The following FLRT2 variants were observed in gnomAD, a reference collection of about 807,000 sequenced individuals.
The protein encoded by FLRT2 is fibronectin leucine rich transmembrane protein 2.
FLRT2 carries 15 observed loss-of-function variants against 40.0 expected under a neutral mutation model. The observed-to-expected ratio is 0.38, with a 90% CI of 0.25 to 0.58. The LOEUF (loss-of-function observed/expected upper bound fraction) is 0.58. Among genes scored for constraint, FLRT2 ranks in the 20% least tolerant of loss-of-function variants. The pLI, the probability that FLRT2 is intolerant of heterozygous loss-of-function variation, is 0.71. For synonymous variants in FLRT2, 380 were observed against 336.8 expected (o/e 1.13, Z -1.41); for missense variants, 726 against 840.0 (o/e 0.86, Z 1.68).
chr14:85,642,085 T>A lies in FLRT2; in HGVS notation c.*18588T>A, dbSNP rs961051343. ...CAGAGGTCCAAGGAGCATCTATGAT[T>A]ATCTCCGACACTATTTTATTTCTTA... On this transcript the variant is annotated 3_prime_UTR_variant, in exon 2 of 2. Transcript: ENST00000330753. 5 of 148,726 alleles carry A rather than the reference T, an allele frequency of 3.4e-5. No homozygotes were observed. Among genetic ancestry groups the A allele is most frequent in the South Asian group, 2.1e-4 (1 of 4,754 alleles). The allele number at this position is 148,726 out of a possible 1,614,324, so 9.2% of individuals were successfully genotyped here.
At chr14:85,559,051 T>A (rs550324022) in intron 1 of FLRT2, among the ~76,000 whole-genome samples, 1 of 152,160 alleles carries the variant, frequency 6.6e-6, no homozygotes, top group African/African-American at 2.4e-5. Flanking sequence ...TGTGTACACA[T>A]AGATAGGTGC....
In FLRT2 at chr14:85,622,169, A is replaced by C; in HGVS notation, c.655A>C (p.Lys219Gln). 1 of 1,614,154 alleles carries C rather than the reference A, an allele frequency of 6.2e-7. No individual in the cohort carries two copies. Among genetic ancestry groups the C allele is most frequent in the Non-Finnish European group, 8.5e-7 (1 of 1,180,024 alleles). ...TGTGGACGGGAACCTCCTGACCAAC[A>C]AGGGTATCGCCGAGGGCACCTTCAG... ...LIVDGNLLTN[K>Q]GIAEGTFSHL... Residue 219 changes from lysine (K) to glutamine (Q), a missense_variant, in exon 2 of 2, where the codon AAG becomes CAG. Physicochemically the swap from Lys to Gln is moderately conservative, Grantham distance 53. This residue lies in a region of FLRT2 where 611 missense variants were observed against 690.0 expected (regional missense o/e 0.89). Coordinates refer to ENST00000330753, the MANE Select transcript of FLRT2 (RefSeq NM_013231.6).
chr14:85,614,834 G>A (rs956980268), intron 1 of FLRT2, among the ~76,000 whole-genome samples: 1 of 152,150 alleles, frequency 6.6e-6, no homozygotes, highest in Admixed American at 6.6e-5. Context: ...AACATAAGAT[G>A]GTTGGTATCT....
intron 1 of FLRT2, among the ~76,000 whole-genome samples, chr14:85,587,302 A>AG (rs1249924032): frequency 2.6e-4 from 37 of 142,132 alleles, no homozygotes; most frequent in East Asian, 2.1e-3. Flanking sequence ...AAAAAAAAAA[A>AG]AAAGAAGAAA....
At position 85,644,641 on chromosome 14, in the gene FLRT2, T is replaced by C. The variant is rs1311499430; in HGVS notation, c.*21144T>C. On this transcript the variant is annotated 3_prime_UTR_variant, in exon 2 of 2. Coordinates refer to ENST00000330753, the MANE Select transcript of FLRT2 (RefSeq NM_013231.6). ...ATCCTTTCCAAAGAAACTGGGCCTG[T>C]TCTTGATGGGCTCCCTGGATGTTTG... 1 of 152,220 alleles carries C rather than the reference T, an allele frequency of 6.6e-6. No homozygotes were observed. 9.4% of individuals were successfully genotyped at this position (152,220 alleles called of 1,614,324 possible).
rs143880018 is a variant in FLRT2, at chr14:85,584,289, A to G, written c.-376-36850A>G. On this transcript the variant is annotated intron_variant, in intron 1 of 1. Transcript: ENST00000330753. ...AGATGGGCACATATGGCTGCATAGT[A>G]TTGACTCAGGACATTGCACTTATTT... 1.0e-3 allele frequency among the ~76,000 whole-genome samples: 155 copies of G among 152,324 alleles called. 2 individuals carry two copies. The highest frequency in any genetic ancestry group is 6.8e-3 in the Middle Eastern group (2 of 294).
chr14:85,561,724 C>G (rs150988912), intron 1 of FLRT2, among the ~76,000 whole-genome samples: 1 of 152,276 alleles, frequency 6.6e-6, no homozygotes, highest in East Asian at 1.9e-4. Context: ...AAAGTAGGAA[C>G]GAGATAAAAT....
chr14:85,535,908 TTTTTTTTTTTTTTG>T (rs1888623457), intron 1 of FLRT2, among the ~76,000 whole-genome samples: 2 of 79,978 alleles, frequency 2.5e-5, no homozygotes, highest in Non-Finnish European at 4.8e-5. Flanking sequence ...TTTTTTTTTT[TTTTTTTTTTTTTTG>T]TTGTTGTTGT....
chr14:85,534,359 T>TAA (rs1244886258), intron 1 of FLRT2, among the ~76,000 whole-genome samples: 1 of 152,182 alleles, frequency 6.6e-6, no homozygotes, highest in African/African-American at 2.4e-5. Flanking sequence ...TTAGCATTTT[T>TAA]AAAAAATGAT....
Position 85,641,912 on chromosome 14 carries a change from C to A in FLRT2, c.*18415C>A, listed in dbSNP as rs1367133410. 2 of 151,744 alleles carry A rather than the reference C, an allele frequency of 1.3e-5. No individual in the cohort carries two copies. The highest frequency in any genetic ancestry group is 1.5e-5 in the Non-Finnish European group (1 of 67,952). 9.4% of individuals were successfully genotyped at this position (151,744 alleles called of 1,614,324 possible). ...ACCTGAGATCACCTGGAATGAAGAG[C>A]CTATTAAAGCCAAGGCTTTGGTGAC... On this transcript the variant is annotated 3_prime_UTR_variant, in exon 2 of 2. Coordinates refer to ENST00000330753, the MANE Select transcript of FLRT2 (RefSeq NM_013231.6).
intron 1 of FLRT2, among the ~76,000 whole-genome samples, chr14:85,594,063 A>G (rs1892025357): frequency 6.6e-6 from 1 of 152,076 alleles, no homozygotes; most frequent in Admixed American, 6.5e-5. Context: ...AAAACAAAAC[A>G]AAACATATAT....
At chr14:85,531,879 C>A (rs937582263) in intron 1 of FLRT2, among the ~76,000 whole-genome samples, 1 of 152,160 alleles carries the variant, frequency 6.6e-6, no homozygotes, top group Non-Finnish European at 1.5e-5. Context: ...TGTGTGCTCG[C>A]GTGTGTGAGC....
chr14:85,554,007 A>G (rs530122234), intron 1 of FLRT2, among the ~76,000 whole-genome samples: 133 of 152,322 alleles, frequency 8.7e-4, no homozygotes, highest in Non-Finnish European at 1.4e-3. Context: ...TTACACTGGA[A>G]AGAAAAATCT....
At chr14:85,587,073 C>T (rs894949522) in intron 1 of FLRT2, among the ~76,000 whole-genome samples, 1 of 152,046 alleles carries the variant, frequency 6.6e-6, no homozygotes, top group East Asian at 1.9e-4. Flanking sequence ...TGATATTTAG[C>T]CCTTGGCTCT....
rs1304424937 is a variant in FLRT2 at position 85,624,179 on chromosome 14, A to T, written c.*682A>T. On this transcript the variant is annotated 3_prime_UTR_variant, in exon 2 of 2. Coordinates refer to ENST00000330753, the MANE Select transcript of FLRT2 (RefSeq NM_013231.6). ...TGGCTTTCTGACTGGGAACTTAAAA[A>T]TCACTCTTCATGCTTCCCTGGTCCT... 6.0e-6 allele frequency: 1 copy of T among 166,984 alleles called. No homozygotes were observed. Among genetic ancestry groups the T allele is most frequent in the Non-Finnish European group, 1.5e-5 (1 of 68,114 alleles). The allele number at this position is 166,984 out of a possible 1,614,324, so 10.3% of individuals were successfully genotyped here.
intron 1 of FLRT2, among the ~76,000 whole-genome samples, chr14:85,617,338 C>T (rs1893181619): frequency 6.6e-6 from 1 of 152,094 alleles, no homozygotes; most frequent in Non-Finnish European, 1.5e-5. Context: ...ATAAGCTTTT[C>T]ACAAGTATTA....
At chr14:85,596,398 C>G (rs1892139014) in intron 1 of FLRT2, among the ~76,000 whole-genome samples, 1 of 152,210 alleles carries the variant, frequency 6.6e-6, no homozygotes, top group Non-Finnish European at 1.5e-5. Context: ...GTTTTCCTTT[C>G]TGAGGAGCTC....
rs1005500158 is a variant in FLRT2, at chr14:85,653,169, T to G, written c.*29672T>G. 1 of 152,180 alleles carries G rather than the reference T, an allele frequency of 6.6e-6. No homozygotes were observed. Among genetic ancestry groups the G allele is most frequent in the Non-Finnish European group, 1.5e-5 (1 of 68,034 alleles). 9.4% of individuals were successfully genotyped at this position (152,180 alleles called of 1,614,324 possible). On this transcript the variant is annotated 3_prime_UTR_variant, in exon 2 of 2. Transcript: ENST00000330753. ...AAACATTTTCAATTTGTGATCTGCT[T>G]GAGGACTTGTACATAGATAGGCTCA...
Position 85,622,994 on chromosome 14 carries a change from G to A in FLRT2, c.1480G>A (p.Val494Met). 6.2e-7 allele frequency: 1 copy of A among 1,614,164 alleles called. No homozygotes were observed. The highest frequency in any genetic ancestry group is 8.5e-7 in the Non-Finnish European group (1 of 1,180,022). The change falls in exon 2 of 2, where the codon GTG (valine) becomes ATG (methionine). Residue 494 changes from valine (V) to methionine (M), a missense_variant. Val to Met is a conservative substitution (Grantham distance 21). This residue lies in a region of FLRT2 where 611 missense variants were observed against 690.0 expected (regional missense o/e 0.89). Transcript: ENST00000330753. ...CCGATCCACCTATCGGATTTGTTTA[G>A]TGCCACTGGATGCTTTTAACTACCG... The part of the protein sequence containing the change: ...EPRSTYRICL[V>M]PLDAFNYRAV...
Sources: allele counts gnomAD v4.1 joint callset (sites outside exome capture counted in the v4.1 genomes callset), GRCh38; gene constraint gnomAD v4.1.1; regional missense constraint gnomAD v4.1.1; transcripts MANE v1.5; gene names NCBI Gene and HGNC (gene_info 2026-07-23, HGNC 2026-07-21).